The following NYAP2 variants were observed in gnomAD, a reference collection of about 807,000 sequenced individuals.
NYAP2 encodes the protein neuronal tyrosine-phosphorylated phosphoinositide-3-kinase adapter 2.
In NYAP2, 23 loss-of-function variants were observed where a neutral mutation model predicts 50.4. The observed-to-expected ratio is 0.46, with a 90% CI of 0.33 to 0.65. The LOEUF is 0.65. Among genes scored for constraint, NYAP2 ranks in the 30% least tolerant of loss-of-function variants. The pLI is 0.02. For missense variants in NYAP2, 885 were observed against 861.0 expected (o/e 1.03, Z -0.35); for synonymous variants, 394 against 365.2 (o/e 1.08, Z -0.90).
chr2:225,633,521 A>G (rs1183948178), intron 6 of NYAP2, among the ~76,000 whole-genome samples: 1 of 152,196 alleles, frequency 6.6e-6, no homozygotes, highest in East Asian at 1.9e-4. Context: ...TACTCCCACA[A>G]AGGAAAATGT....
At chr2:225,604,267 A>G (rs1692746688) in intron 5 of NYAP2, among the ~76,000 whole-genome samples, 1 of 152,186 alleles carries the variant, frequency 6.6e-6, no homozygotes, top group Non-Finnish European at 1.5e-5. Context: ...TGGTATTGCC[A>G]CATAAAATTC....
chr2:225,665,370 G>T, the NYAP2 span, among the ~76,000 whole-genome samples: 1 of 151,978 alleles, frequency 6.6e-6, no homozygotes, highest in African/African-American at 2.4e-5. Context: ...TTTTAAGTGT[G>T]AACACCCCCA....
chr2:225,665,624 C>T, the NYAP2 span, among the ~76,000 whole-genome samples: 1 of 148,500 alleles, frequency 6.7e-6, no homozygotes, highest in Non-Finnish European at 1.5e-5. Flanking sequence ...GCCTGACCAA[C>T]ATGGTGAAAC....
At chr2:225,514,907 C>A (rs957218959) in intron 4 of NYAP2, among the ~76,000 whole-genome samples, 8 of 152,162 alleles carry the variant, frequency 5.3e-5, no homozygotes, top group Non-Finnish European at 1.2e-4. Flanking sequence ...TTCAACTAGG[C>A]AGTGTTCATT....
chr2:225,622,550 T>TTTC (rs1553557404), intron 5 of NYAP2, among the ~76,000 whole-genome samples: 7 of 31,530 alleles, frequency 2.2e-4, no homozygotes, highest in Non-Finnish European at 3.2e-4. Context: ...TCTTTCTTTC[T>TTTC]TTCTTTCTTT....
intron 4 of NYAP2, among the ~76,000 whole-genome samples, chr2:225,535,860 C>T (rs1691340157): frequency 6.6e-6 from 1 of 152,068 alleles, no homozygotes; most frequent in Non-Finnish European, 1.5e-5. Flanking sequence ...TCCATTCCTT[C>T]CTTACTGGGA....
intron 3 of NYAP2, among the ~76,000 whole-genome samples, chr2:225,477,226 T>A (rs750369955): frequency 3.8e-5 from 5 of 130,624 alleles, no homozygotes; most frequent in Non-Finnish European, 7.8e-5. Flanking sequence ...TGAGAGTCTC[T>A]ATTTCTTTTT....
At chr2:225,675,004 A>G in the NYAP2 span, among the ~76,000 whole-genome samples, 1 of 152,126 alleles carries the variant, frequency 6.6e-6, no homozygotes, top group African/African-American at 2.4e-5. Flanking sequence ...ATCTATAGTA[A>G]AGTGAGTGAT....
chr2:225,417,195 A>G (rs1401349103), intron 3 of NYAP2, among the ~76,000 whole-genome samples: 4 of 152,170 alleles, frequency 2.6e-5, no homozygotes, highest in African/African-American at 4.8e-5. Context: ...TAAAAATGCA[A>G]TGTCTCCTAG....
intron 4 of NYAP2, among the ~76,000 whole-genome samples, chr2:225,530,769 A>C (rs1691240659): frequency 6.6e-6 from 1 of 152,184 alleles, no homozygotes; most frequent in Non-Finnish European, 1.5e-5. Context: ...ACACTGACCC[A>C]GGCGTTTCCT....
chr2:225,510,855 A>G (rs7576628), intron 3 of NYAP2, among the ~76,000 whole-genome samples: 82,967 of 151,756 alleles, frequency 0.55, 22,878 homozygotes, highest in East Asian at 0.65. Flanking sequence ...AAGTTGTTGT[A>G]TGCTGTTAAA....
chr2:225,656,987 T>C (rs766539562), downstream of NYAP2, among the ~76,000 whole-genome samples: 17 of 152,108 alleles, frequency 1.1e-4, no homozygotes, highest in Non-Finnish European at 2.4e-4. Flanking sequence ...TTGAACTTTC[T>C]AGATAGTACA....
intron 4 of NYAP2, among the ~76,000 whole-genome samples, chr2:225,546,935 C>A (rs73089020): frequency 0.027 from 4,180 of 152,166 alleles, 183 homozygotes; most frequent in African/African-American, 0.094. Context: ...GTCCTTCGTT[C>A]AAAGCAGTGG....
At chr2:225,573,316 A>G (rs1692108736) in intron 4 of NYAP2, among the ~76,000 whole-genome samples, 1 of 147,212 alleles carries the variant, frequency 6.8e-6, no homozygotes, top group South Asian at 2.1e-4. Flanking sequence ...CAATGCCGTG[A>G]TCTAGGCTCA....
At chr2:225,572,071 C>A (rs1293131286) in intron 4 of NYAP2, among the ~76,000 whole-genome samples, 1 of 152,234 alleles carries the variant, frequency 6.6e-6, no homozygotes, top group East Asian at 1.9e-4. Context: ...TCATCTCCAA[C>A]TGAGACCACT....
chr2:225,428,276 G>A (rs374613399), intron 3 of NYAP2, among the ~76,000 whole-genome samples: 1 of 152,126 alleles, frequency 6.6e-6, no homozygotes, highest in African/African-American at 2.4e-5. Context: ...TGGCCTTTGA[G>A]TTCTTTTTCA....
intron 5 of NYAP2, among the ~76,000 whole-genome samples, chr2:225,589,977 G>T (rs1692468838): frequency 6.6e-6 from 1 of 152,152 alleles, no homozygotes; most frequent in African/African-American, 2.4e-5. Context: ...CCTGACCGGA[G>T]TTAGGGGCTG....
At chr2:225,417,774 G>A (rs1695149287) in intron 3 of NYAP2, among the ~76,000 whole-genome samples, 1 of 152,046 alleles carries the variant, frequency 6.6e-6, no homozygotes, top group East Asian at 1.9e-4. Flanking sequence ...ATGTTTATAT[G>A]TATTGCATAG....
the NYAP2 span, among the ~76,000 whole-genome samples, chr2:225,663,981 A>G: frequency 7.1e-4 from 108 of 152,172 alleles, no homozygotes; most frequent in African/African-American, 2.3e-3. Flanking sequence ...TCTGGGATCA[A>G]GTGTGCTCTC....
Sources: gnomAD v4.1 joint callset for allele counts (sites outside exome capture counted in the v4.1 genomes callset) on GRCh38, gnomAD v4.1.1 for gene constraint, MANE v1.5 for transcripts, NCBI Gene and HGNC (gene_info 2026-07-23, HGNC 2026-07-21) for gene names.